Variants in RELN observed in about 807,000 individuals in gnomAD.
RELN encodes reelin.
A neutral mutation model predicts 427.6 loss-of-function variants in RELN; 108 were observed. The observed-to-expected ratio is 0.25, with a 90% CI of 0.22 to 0.30. RELN has a LOEUF of 0.30. RELN is among the 10% of genes least tolerant of loss of function. The pLI, the probability that RELN is intolerant of heterozygous loss-of-function variation, is 1.00. For missense variants in RELN, 3,715 were observed against 4,302.8 expected (o/e 0.86, Z 3.82); for synonymous variants, 1,524 against 1,513.4 (o/e 1.01, Z -0.16).
chr7:103,595,184 G>GT (rs1298199990), intron 25 of RELN, among the ~76,000 whole-genome samples: 75 of 152,234 alleles, frequency 4.9e-4, no homozygotes, highest in African/African-American at 1.3e-3. Context: ...GAGTTACCTA[G>GT]TCACCTTACT....
intron 19 of RELN, among the ~76,000 whole-genome samples, chr7:103,633,628 A>G (rs1461278241): frequency 2.6e-5 from 4 of 152,146 alleles, no homozygotes; most frequent in African/African-American, 9.6e-5. Flanking sequence ...TGTTGCTGTC[A>G]AATGGCAGGC....
At chr7:103,742,993 T>A (rs1790709516) in intron 6 of RELN, among the ~76,000 whole-genome samples, 1 of 150,130 alleles carries the variant, frequency 6.7e-6, no homozygotes, top group African/African-American at 2.5e-5. Context: ...AAGGAAAAAA[T>A]GTTAAGGGCA....
intron 51 of RELN, among the ~76,000 whole-genome samples, chr7:103,506,657 G>A (rs1238861891): frequency 6.6e-6 from 1 of 151,984 alleles, no homozygotes; most frequent in Non-Finnish European, 1.5e-5. Flanking sequence ...CATAACTAAT[G>A]GGCAAAATAA....
chr7:103,897,130 T>C (rs1017712831), intron 2 of RELN, among the ~76,000 whole-genome samples: 1 of 152,052 alleles, frequency 6.6e-6, no homozygotes, highest in South Asian at 2.1e-4. Context: ...ATGATTAAAT[T>C]ACCTCCCACT....
chr7:103,699,075 CT>C (rs1193595016), intron 9 of RELN, among the ~76,000 whole-genome samples: 2 of 152,084 alleles, frequency 1.3e-5, no homozygotes, highest in Non-Finnish European at 2.9e-5. Flanking sequence ...CCAGATCCTT[CT>C]GCTATATAAT....
At chr7:103,714,940 T>A (rs1437592710) in intron 8 of RELN, among the ~76,000 whole-genome samples, 2 of 152,168 alleles carry the variant, frequency 1.3e-5, no homozygotes, top group African/African-American at 4.8e-5. Flanking sequence ...TTTGGTAAAA[T>A]ATGGTCACCA....
intron 2 of RELN, among the ~76,000 whole-genome samples, chr7:103,839,302 G>GTTTTT (rs1793492405): frequency 4.0e-5 from 3 of 75,042 alleles, no homozygotes; most frequent in African/African-American, 1.5e-4. Flanking sequence ...AGTGGTCTTT[G>GTTTTT]CTTTTTTTTT....
At chr7:103,949,038 A>AAAAAAAAAAC (rs1554446792) in intron 1 of RELN, among the ~76,000 whole-genome samples, 13 of 129,388 alleles carry the variant, frequency 1.0e-4, no homozygotes, top group African/African-American at 8.4e-5. Flanking sequence ...AAAAAAAAAA[A>AAAAAAAAAAC]AAAAAAAAAC....
At chr7:103,754,156 T>C (rs1241356038) in intron 4 of RELN, among the ~76,000 whole-genome samples, 1 of 152,094 alleles carries the variant, frequency 6.6e-6, no homozygotes, top group African/African-American at 2.4e-5. Context: ...AAGTACATAC[T>C]AGATTTTGGA....
intron 61 of RELN, among the ~76,000 whole-genome samples, chr7:103,485,598 G>GGT (rs1261484163): frequency 1.3e-5 from 2 of 152,148 alleles, no homozygotes; most frequent in East Asian, 3.9e-4. Flanking sequence ...GGGAAGGGCA[G>GGT]GTAGGGAAGG....
intron 11 of RELN, among the ~76,000 whole-genome samples, chr7:103,677,342 A>G (rs1049996932): frequency 1.2e-4 from 18 of 151,238 alleles, no homozygotes; most frequent in African/African-American, 4.1e-4. Flanking sequence ...GCAAACCACC[A>G]TGGCACGTGT....
intron 19 of RELN, among the ~76,000 whole-genome samples, chr7:103,631,969 C>A (rs1051705707): frequency 1.3e-5 from 2 of 151,934 alleles, no homozygotes; most frequent in Non-Finnish European, 2.9e-5. Flanking sequence ...TATTTTTTAA[C>A]ATAACAATTG....
intron 2 of RELN, among the ~76,000 whole-genome samples, chr7:103,849,472 A>C (rs569471811): frequency 5.3e-5 from 8 of 152,182 alleles, no homozygotes; most frequent in Non-Finnish European, 8.8e-5. Context: ...TAAAATGCAA[A>C]TATGATTTTC....
At chr7:103,666,077 T>A (rs12539423) in intron 11 of RELN, among the ~76,000 whole-genome samples, 5,397 of 152,142 alleles carry the variant, frequency 0.035, 152 homozygotes, top group East Asian at 0.14. Context: ...TTATTTATTT[T>A]TTTTGAGAAA....
At chr7:103,930,738 G>A (rs1402066566) in intron 1 of RELN, among the ~76,000 whole-genome samples, 2 of 152,066 alleles carry the variant, frequency 1.3e-5, no homozygotes, top group East Asian at 1.9e-4. Flanking sequence ...AAAGTACTGG[G>A]ATTATAGGCA....
intron 2 of RELN, among the ~76,000 whole-genome samples, chr7:103,897,757 A>G (rs978505922): frequency 6.6e-6 from 1 of 152,050 alleles, no homozygotes; most frequent in African/African-American, 2.4e-5. Flanking sequence ...CTTTAAAGAA[A>G]CCAAAACTGG....
intron 11 of RELN, among the ~76,000 whole-genome samples, chr7:103,674,063 G>A (rs1392907173): frequency 6.6e-6 from 1 of 151,596 alleles, no homozygotes; most frequent in Admixed American, 6.6e-5. Flanking sequence ...TCTAATGTTG[G>A]AAGTGCAACT....
intron 1 of RELN, among the ~76,000 whole-genome samples, chr7:103,920,737 C>T (rs754450537): frequency 2.6e-5 from 4 of 151,872 alleles, no homozygotes; most frequent in Non-Finnish European, 5.9e-5. Flanking sequence ...CCATGTGTGG[C>T]TAATGAATGT....
rs1584300584 is a variant in RELN, at chr7:103,565,439, C to T, written c.5049G>A (p.Gln1683=). ...TGCCATTGTTCAGAGAATACTGGAG[C>T]TGTACACTGTGGGAGTTGCTGAAGG... The part of the protein sequence containing the change: ...SKPFSNSHSV[Q]LQYSLNNGKD... Residue 1683 remains glutamine, a synonymous_variant, in exon 34 of 65, where the codon CAG becomes CAA. Coordinates refer to ENST00000428762, the MANE Select transcript of RELN (RefSeq NM_005045.4). 1.2e-6 allele frequency: 2 copies of T among 1,613,914 alleles called. No homozygotes were observed. The highest frequency in any genetic ancestry group is 1.7e-6 in the Non-Finnish European group (2 of 1,179,952).
Sources: allele counts gnomAD v4.1 joint callset (sites outside exome capture counted in the v4.1 genomes callset), GRCh38; gene constraint gnomAD v4.1.1; transcripts MANE v1.5; gene names NCBI Gene and HGNC (gene_info 2026-07-23, HGNC 2026-07-21).